The following SOS1 variants were observed in gnomAD, a reference collection of about 807,000 sequenced individuals.
SOS1 encodes son of sevenless homolog 1.
A neutral mutation model predicts 157.6 loss-of-function variants in SOS1; 25 were observed. The observed-to-expected ratio is 0.16, with a 90% CI of 0.12 to 0.22. SOS1 has a LOEUF of 0.22. SOS1 is among the 10% of genes least tolerant of loss of function. The probability of loss-of-function intolerance (pLI) is 1.00; values close to 1 mark genes in which losing one functional copy is unlikely to be tolerated. For missense variants in SOS1, 1,237 were observed against 1,599.1 expected, an observed-to-expected ratio of 0.77 and a Z score of 3.86; for synonymous variants, 528 against 534.0, an observed-to-expected ratio of 0.99 and a Z score of 0.16.
chr2:39,112,804 C>A (rs537312375), intron 1 of SOS1, among the ~76,000 whole-genome samples: 16 of 152,204 alleles, frequency 1.1e-4, no homozygotes, highest in Admixed American at 3.3e-4. Flanking sequence ...TTCGGTAGGC[C>A]GAGGCGGGCA....
chr2:39,008,340 G>A (rs1482946723), intron 15 of SOS1, among the ~76,000 whole-genome samples: 1 of 152,166 alleles, frequency 6.6e-6, no homozygotes, highest in Non-Finnish European at 1.5e-5. Context: ...CAAGCACTTA[G>A]CTCCTAGGGC....
chr2:39,120,299 G>T, intron 1 of SOS1, 37 bp downstream of exon 1: 2 of 1,538,646 alleles, frequency 1.3e-6, no homozygotes, highest in Non-Finnish European at 1.8e-6. Context: ...GCGCTGGGGG[G>T]CTGCGGCCGG....
rs932000940 is a variant in SOS1, at chr2:39,042,901, T to C, written c.865-7401A>G. On this transcript the variant is annotated intron_variant, in intron 6 of 22. Transcript: ENST00000402219. The stretch of plus-strand genomic sequence containing the variant: ...CTGATCTTTTATCCAATAGCTATAA[T>C]GAACTTGCCAACTAGTTTAATATTA... Among the ~76,000 whole-genome samples the C allele has an allele frequency of 2.0e-5, 3 of 152,078 alleles. No individual in the cohort carries two copies. In the East Asian group the frequency reaches 5.8e-4, roughly 29 times the overall value.
chr2:39,001,269 G>GC (rs939218591), intron 17 of SOS1, among the ~76,000 whole-genome samples: 4 of 152,140 alleles, frequency 2.6e-5, no homozygotes, highest in African/African-American at 9.7e-5. Context: ...TGCCATGTTG[G>GC]CCAGGCTGGT....
chr2:39,084,395 TTAAG>T, intron 1 of SOS1, among the ~76,000 whole-genome samples: 1 of 152,038 alleles, frequency 6.6e-6, no homozygotes, highest in Non-Finnish European at 1.5e-5. Context: ...TAATTATAAA[TTAAG>T]TATATATTTA....
intron 1 of SOS1, among the ~76,000 whole-genome samples, chr2:39,075,692 T>C (rs1671946430): frequency 6.6e-6 from 1 of 151,404 alleles, no homozygotes; most frequent in Non-Finnish European, 1.5e-5. Context: ...AGTTGACACT[T>C]TGAAAAGTAC....
chr2:39,003,529 C>T (rs1669179916), intron 17 of SOS1, among the ~76,000 whole-genome samples: 1 of 152,012 alleles, frequency 6.6e-6, no homozygotes, highest in Non-Finnish European at 1.5e-5. Flanking sequence ...ATTTTGTAAA[C>T]ATGATTAAAT....
At position 38,983,083 on chromosome 2, in the gene SOS1, C is replaced by T. The variant is rs912866147; in HGVS notation, c.*2741G>A. The T allele has an allele frequency of 6.6e-6, 1 of 152,104 alleles. No individual in the cohort carries two copies. Among genetic ancestry groups the T allele is most frequent in the African/African-American group, 2.4e-5 (1 of 41,426 alleles). The allele number at this position is 152,104 out of a possible 1,614,324, so 9.4% of individuals were successfully genotyped here. Reference sequence around the variant, plus strand: ...GATAATGTGTAGTCTTAAAATACATCAGCCTTGAAATATTTTCATTTCTAA... The same window carrying T: ...GATAATGTGTAGTCTTAAAATACATTAGCCTTGAAATATTTTCATTTCTAA... On this transcript the variant is annotated 3_prime_UTR_variant, in exon 23 of 23. Coordinates refer to ENST00000402219, the MANE Select transcript of SOS1 (RefSeq NM_005633.4).
intron 1 of SOS1, among the ~76,000 whole-genome samples, chr2:39,078,828 A>C (rs1023884812): frequency 2.0e-5 from 3 of 152,112 alleles, no homozygotes; most frequent in Middle Eastern, 3.2e-3. Flanking sequence ...TTGGGAGGCT[A>C]AGGCAGGCAG....
At chr2:38,988,983 T>C (rs903652971) in intron 21 of SOS1, among the ~76,000 whole-genome samples, 9 of 150,454 alleles carry the variant, frequency 6.0e-5, no homozygotes, top group African/African-American at 2.2e-4. Context: ...AAAATATACT[T>C]AGAACTCTAT....
chr2:39,017,128 T>C (rs943920425), intron 10 of SOS1, among the ~76,000 whole-genome samples: 1 of 152,010 alleles, frequency 6.6e-6, no homozygotes, highest in African/African-American at 2.4e-5. Flanking sequence ...CTGGAAGAGA[T>C]GTAACTAGAC....
intron 1 of SOS1, among the ~76,000 whole-genome samples, chr2:39,078,917 A>G (rs1558503604): frequency 6.6e-6 from 1 of 151,948 alleles, no homozygotes; most frequent in Non-Finnish European, 1.5e-5. Context: ...AAAATTAGCC[A>G]GATGCGGTGG....
intron 10 of SOS1, among the ~76,000 whole-genome samples, chr2:39,021,663 C>T (rs114247172): frequency 0.019 from 2,918 of 151,492 alleles, 32 homozygotes; most frequent in Middle Eastern, 0.031. Flanking sequence ...TTAGAATGCT[C>T]ATGTTATAAA....
intron 6 of SOS1, among the ~76,000 whole-genome samples, chr2:39,046,144 G>A (rs1413982777): frequency 6.6e-6 from 1 of 151,888 alleles, no homozygotes. Flanking sequence ...CATTGTTTTT[G>A]TTTGCTTCAT....
intron 6 of SOS1, among the ~76,000 whole-genome samples, 162 bp downstream of exon 6, chr2:39,050,982 A>G (rs1300977213): frequency 1.3e-5 from 2 of 152,212 alleles, no homozygotes; most frequent in African/African-American, 2.4e-5. Flanking sequence ...CTAAGATAAC[A>G]GAAACATATG....
At chr2:39,044,517 T>C (rs986292126) in intron 6 of SOS1, among the ~76,000 whole-genome samples, 6 of 152,202 alleles carry the variant, frequency 3.9e-5, no homozygotes, top group African/African-American at 1.4e-4. Context: ...AACTGTAAAC[T>C]TCTCTCTGCA....
intron 1 of SOS1, among the ~76,000 whole-genome samples, chr2:39,103,484 C>G (rs575396734): frequency 6.6e-6 from 1 of 152,062 alleles, no homozygotes. Context: ...CTGAGCATAC[C>G]AAAATAAACT....
intron 8 of SOS1, among the ~76,000 whole-genome samples, chr2:39,028,463 T>A (rs1022034722): frequency 1.3e-5 from 2 of 152,204 alleles, no homozygotes; most frequent in African/African-American, 4.8e-5. Flanking sequence ...TTCCCTTTGA[T>A]TAAAAAAAGG....
intron 1 of SOS1, among the ~76,000 whole-genome samples, chr2:39,110,023 C>T (rs576879246): frequency 6.9e-4 from 96 of 138,936 alleles, no homozygotes; most frequent in Non-Finnish European, 1.2e-3. Context: ...GATACAGATA[C>T]AGTTGTGTGT....
Sources: gnomAD v4.1 joint callset for allele counts (sites outside exome capture counted in the v4.1 genomes callset) on GRCh38, gnomAD v4.1.1 for gene constraint, MANE v1.5 for transcripts, NCBI Gene and HGNC (gene_info 2026-07-23, HGNC 2026-07-21) for gene names.